Variants in DLGAP4 observed in about 807,000 individuals in gnomAD.
DLGAP4 encodes disks large-associated protein 4.
A neutral mutation model predicts 86.9 loss-of-function variants in DLGAP4; 18 were observed. The observed-to-expected ratio is 0.21, with a 90% CI of 0.14 to 0.31. The LOEUF is 0.31. Ranked by LOEUF, DLGAP4 falls within the 10% of genes least tolerant of loss-of-function variation. The pLI is 1.00. For synonymous variants in DLGAP4, 548 were observed against 574.3 expected (o/e 0.95, Z 0.65); for missense variants, 1,085 against 1,362.6 (o/e 0.80, Z 3.21).
intron 10 of DLGAP4, chr20:36,507,832 T>TGG (rs2036464017): frequency 6.6e-6 from 1 of 152,180 alleles, no homozygotes; most frequent in Non-Finnish European, 1.5e-5. Context: ...CTCAAGGGCT[T>TGG]GGGGTGACAT....
intron 1 of DLGAP4, among the ~76,000 whole-genome samples, chr20:36,342,032 T>C (rs2065388795): frequency 6.6e-6 from 1 of 152,288 alleles, no homozygotes; most frequent in East Asian, 1.9e-4. Context: ...AGAGGGTTCA[T>C]TTCCCAGGAA....
At position 36,496,688 on chromosome 20, in the gene DLGAP4, C is replaced by G. The variant is rs1475621587; in HGVS notation, c.1649-17C>G. The G allele has an allele frequency of 6.3e-7, 1 of 1,590,068 alleles. No individual in the cohort carries two copies. On this transcript the variant is annotated splice_polypyrimidine_tract_variant and intron_variant, in intron 7 of 12. Coordinates refer to ENST00000339266, the MANE Select transcript of DLGAP4 (RefSeq NM_001365621.2). ...ACCATCTCACCTCTCCCCTGCCCTT[C>G]TCTCATCCATCTGCAGGTTCATCAT...
At chr20:36,318,450 G>T (rs1465674298) in intron 1 of DLGAP4, among the ~76,000 whole-genome samples, 5 of 152,198 alleles carry the variant, frequency 3.3e-5, no homozygotes, top group Admixed American at 6.5e-5. Flanking sequence ...ATGGCTCACT[G>T]CAGCCTCCCA....
intron 7 of DLGAP4, among the ~76,000 whole-genome samples, chr20:36,487,398 G>C (rs139954856): frequency 6.6e-6 from 1 of 152,184 alleles, no homozygotes; most frequent in Non-Finnish European, 1.5e-5. Context: ...GACTTCATGA[G>C]AAATGGGATG....
chr20:36,313,774 T>C (rs1200957639), intron 1 of DLGAP4, among the ~76,000 whole-genome samples: 8 of 152,104 alleles, frequency 5.3e-5, no homozygotes, highest in Non-Finnish European at 1.0e-4. Context: ...GTAGTAGAGC[T>C]AGGATTTGAA....
chr20:36,357,006 G>A (rs58888168), intron 1 of DLGAP4, among the ~76,000 whole-genome samples: 2,887 of 152,084 alleles, frequency 0.019, 88 homozygotes, highest in African/African-American at 0.066. Context: ...GTCAGCTCTC[G>A]CCTGGATCTC....
chr20:36,357,257 T>G (rs2030361468), intron 1 of DLGAP4, among the ~76,000 whole-genome samples: 1 of 152,176 alleles, frequency 6.6e-6, no homozygotes, highest in Non-Finnish European at 1.5e-5. Flanking sequence ...CATGGCGTGC[T>G]CTGTCCCTCT....
At chr20:36,459,253 C>T (rs759379894) in intron 7 of DLGAP4, among the ~76,000 whole-genome samples, 1 of 152,114 alleles carries the variant, frequency 6.6e-6, no homozygotes, top group Admixed American at 6.6e-5. Flanking sequence ...TCTTCTGGGA[C>T]CCTAAAGCAT....
At chr20:36,467,545 T>G (rs1481679398) in intron 7 of DLGAP4, among the ~76,000 whole-genome samples, 1 of 152,166 alleles carries the variant, frequency 6.6e-6, no homozygotes, top group Non-Finnish European at 1.5e-5. Context: ...TGGAAGACTT[T>G]CCAGAGGATG....
Position 36,500,094 on chromosome 20 carries a change from C to T in DLGAP4, c.2100-105C>T, listed in dbSNP as rs540854927. On this transcript the variant is annotated intron_variant, in intron 9 of 12. Coordinates refer to ENST00000339266, the MANE Select transcript of DLGAP4 (RefSeq NM_001365621.2). The surrounding 1 kb of genome is among the most constrained non-coding windows in gnomAD (Gnocchi z 4.6). ...GCGCATGGTGAGCAGATGATGCATC[C>T]GTTTCTCTGTCTCCCGTGTGTCCGG... 2.3e-5 allele frequency: 30 copies of T among 1,295,320 alleles called. No individual in the cohort carries two copies. Among genetic ancestry groups the T allele is most frequent in the East Asian group, 7.2e-5 (3 of 41,612 alleles). 80.2% of individuals were successfully genotyped at this position (1,295,320 alleles called of 1,614,324 possible).
Position 36,431,150 on chromosome 20 carries a change from TCC to T in DLGAP4, c.-72-495_-72-494del, listed in dbSNP as rs373490388. On this transcript the variant is annotated intron_variant, in intron 2 of 12. Transcript: ENST00000339266. The surrounding 1 kb of genome is among the most constrained non-coding windows in gnomAD (Gnocchi z 5.1). The stretch of plus-strand genomic sequence containing the variant: ...GCCTGCCTCCAGGGCCAGCACAGGG[TCC>T]TCCCGTGGGAGGTGGACCCTGCCAC... Among the ~76,000 whole-genome samples, 102,594 of 151,680 alleles carry T rather than the reference TCC, an allele frequency of 0.68. 36,314 individuals carry two copies. Among genetic ancestry groups the T allele is most frequent in the Non-Finnish European group, 0.79 (53,615 of 67,882 alleles).
In DLGAP4 at chr20:36,522,184, C is replaced by T. The variant is rs531653657; in HGVS notation, c.2513-2066C>T. 5.4e-4 allele frequency among the ~76,000 whole-genome samples: 82 copies of T among 152,220 alleles called. 1 individual carries two copies. Among genetic ancestry groups the T allele is most frequent in the Admixed American group, 8.5e-4 (13 of 15,266 alleles). The stretch of plus-strand genomic sequence containing the variant: ...TTTTTGTTTTTGAGACAGGGTCTTG[C>T]TCTGTCACCCAGGTTGGAGGAATGC... On this transcript the variant is annotated intron_variant, in intron 10 of 12. Coordinates refer to ENST00000339266, the MANE Select transcript of DLGAP4 (RefSeq NM_001365621.2).
intron 8 of DLGAP4, chr20:36,498,593 G>C (rs980414962): frequency 6.6e-6 from 1 of 152,606 alleles, no homozygotes; most frequent in African/African-American, 2.4e-5. Flanking sequence ...GAGATCCAGT[G>C]GTGCTGCATT....
At position 36,525,255 on chromosome 20, in the gene DLGAP4, C is replaced by G. The variant is rs1739080; in HGVS notation, c.2605-596C>G. Among the ~76,000 whole-genome samples the G allele has an allele frequency of 2.3e-3, 160 of 70,836 alleles. 2 individuals carry two copies. The highest frequency in any genetic ancestry group is 2.7e-3 in the Non-Finnish European group (99 of 36,308). The allele number at this position is 70,836 out of a possible 152,430, so 46.5% of individuals were successfully genotyped here. A position where few individuals can be genotyped will look rare whatever the true frequency, so the allele number is the denominator to read the frequency against. ...AAAAAAAAAAAAAAAAAAAAAAAAA[C>G]AAAGAAATCCCACTGCTGGGATTGG... On this transcript the variant is annotated intron_variant, in intron 11 of 12. Coordinates refer to ENST00000339266, the MANE Select transcript of DLGAP4 (RefSeq NM_001365621.2).
intron 10 of DLGAP4, among the ~76,000 whole-genome samples, chr20:36,518,401 A>AT (rs1792448220): frequency 6.6e-6 from 1 of 151,832 alleles, no homozygotes. Flanking sequence ...TAATCCTCTT[A>AT]TTTTTATTAA....
chr20:36,527,245 A>C lies in DLGAP4; in HGVS notation c.*214A>C, dbSNP rs2037826206. The C allele has an allele frequency of 1.3e-5, 6 of 472,004 alleles. No homozygotes were observed. Among genetic ancestry groups the C allele is most frequent in the Non-Finnish European group, 2.2e-5 (6 of 271,222 alleles). The allele number at this position is 472,004 out of a possible 1,614,324, so 29.2% of individuals were successfully genotyped here. On this transcript the variant is annotated 3_prime_UTR_variant, in exon 13 of 13. Transcript: ENST00000339266. ...GATTTTACTCACAAAAAAAATCAAC[A>C]AAAATCACGAAACTAGAAAACTTTT...
chr20:36,484,752 G>A (rs1003069227), intron 7 of DLGAP4, among the ~76,000 whole-genome samples: 1 of 152,248 alleles, frequency 6.6e-6, no homozygotes, highest in Non-Finnish European at 1.5e-5. Flanking sequence ...GAGCAAGGGA[G>A]GGGGCTGGAG....
intron 10 of DLGAP4, among the ~76,000 whole-genome samples, chr20:36,502,297 C>T (rs1304957696): frequency 1.3e-5 from 2 of 152,118 alleles, no homozygotes; most frequent in East Asian, 3.8e-4. Flanking sequence ...TTTCCTAAAA[C>T]GAATTGTTTG....
chr20:36,353,168 C>A (rs11906473), intron 1 of DLGAP4, among the ~76,000 whole-genome samples: 15 of 152,218 alleles, frequency 9.9e-5, no homozygotes, highest in African/African-American at 3.6e-4. Context: ...CAGGGGTACC[C>A]GACGAGCTCA....
Sources: allele counts gnomAD v4.1 joint callset (sites outside exome capture counted in the v4.1 genomes callset), GRCh38; gene constraint gnomAD v4.1.1; non-coding constraint Gnocchi (gnomAD v3.1); transcripts MANE v1.5; gene names NCBI Gene and HGNC (gene_info 2026-07-23, HGNC 2026-07-21).